SUPT3H: variants seen among roughly 807,000 people sequenced by gnomAD.
SUPT3H encodes transcription initiation protein SPT3 homolog.
A neutral mutation model predicts 44.3 loss-of-function variants in SUPT3H; 44 were observed. That is an observed-to-expected ratio of 0.99 (90% CI 0.78 to 1.28). The LOEUF is 1.28. SUPT3H is among the 50% of genes most tolerant of loss of function. SUPT3H has a pLI of 0.00. For missense variants in SUPT3H, 380 were observed against 387.1 expected (o/e 0.98, Z 0.15); for synonymous variants, 124 against 125.6 (o/e 0.99, Z 0.09).
intron 2 of SUPT3H, among the ~76,000 whole-genome samples, chr6:45,229,924 A>G (rs1452866719): frequency 6.6e-6 from 1 of 152,072 alleles, no homozygotes; most frequent in Non-Finnish European, 1.5e-5. Context: ...GAATTTATCT[A>G]TTCTACCTAA....
intron 4 of SUPT3H, among the ~76,000 whole-genome samples, chr6:45,018,026 C>T (rs1357375546): frequency 3.9e-5 from 6 of 151,936 alleles, no homozygotes; most frequent in Non-Finnish European, 8.8e-5. Flanking sequence ...TTTCCTTGAG[C>T]AATGGTTTGT....
intron 3 of SUPT3H, among the ~76,000 whole-genome samples, chr6:45,072,277 C>T (rs1794486318): frequency 6.6e-6 from 1 of 152,052 alleles, no homozygotes; most frequent in African/African-American, 2.4e-5. Flanking sequence ...TGTAAGATCA[C>T]CATTATTTTG....
intron 6 of SUPT3H, among the ~76,000 whole-genome samples, chr6:44,974,790 T>G (rs1417687654): frequency 6.6e-6 from 1 of 152,180 alleles, no homozygotes; most frequent in South Asian, 2.1e-4. Flanking sequence ...TTAACTTCCC[T>G]GAGTCAATAC....
intron 6 of SUPT3H, among the ~76,000 whole-genome samples, chr6:44,970,276 A>G (rs1041679292): frequency 5.3e-5 from 8 of 152,242 alleles, no homozygotes; most frequent in African/African-American, 1.2e-4. Context: ...AGTAATGGGG[A>G]AAAAAACCAT....
chr6:45,140,204 C>T (rs1042317558), intron 2 of SUPT3H, among the ~76,000 whole-genome samples: 9 of 152,088 alleles, frequency 5.9e-5, no homozygotes, highest in African/African-American at 7.2e-5. Context: ...TCCTCCACAG[C>T]GGCCATGGCA....
intron 2 of SUPT3H, among the ~76,000 whole-genome samples, chr6:45,194,151 A>C (rs570080648): frequency 6.6e-6 from 1 of 152,282 alleles, no homozygotes; most frequent in African/African-American, 2.4e-5. Flanking sequence ...ATTCTGTCAA[A>C]CTTTACATTT....
chr6:44,942,458 CATATAATCTTAG>C (rs1210380751), intron 9 of SUPT3H, among the ~76,000 whole-genome samples: 1 of 152,142 alleles, frequency 6.6e-6, no homozygotes, highest in Non-Finnish European at 1.5e-5. Flanking sequence ...GAGTGGCTAA[CATATAATCTTAG>C]ATCCTTGATA....
At chr6:45,040,824 T>A (rs1340924544) in intron 3 of SUPT3H, among the ~76,000 whole-genome samples, 1 of 152,202 alleles carries the variant, frequency 6.6e-6, no homozygotes, top group African/African-American at 2.4e-5. Context: ...TTTTAACTTG[T>A]TAGTTTTAAA....
At chr6:45,135,394 G>T (rs1804114473) in intron 2 of SUPT3H, among the ~76,000 whole-genome samples, 1 of 152,022 alleles carries the variant, frequency 6.6e-6, no homozygotes, top group Non-Finnish European at 1.5e-5. Context: ...AAATTTTCCA[G>T]ATTTTTAGGT....
chr6:45,020,100 C>T (rs1784900402), intron 4 of SUPT3H, among the ~76,000 whole-genome samples: 1 of 151,804 alleles, frequency 6.6e-6, no homozygotes, highest in Non-Finnish European at 1.5e-5. Context: ...TATTAATTTA[C>T]TTTTTTCAAT....
At chr6:45,265,468 T>C (rs1562824094) in intron 2 of SUPT3H, among the ~76,000 whole-genome samples, 1 of 152,112 alleles carries the variant, frequency 6.6e-6, no homozygotes. Context: ...CTTAAATAAC[T>C]TTCAAAAGTT....
At chr6:45,158,298 A>ATATATATATATATATATATAATTTTTT in intron 2 of SUPT3H, among the ~76,000 whole-genome samples, 6 of 99,688 alleles carry the variant, frequency 6.0e-5, no homozygotes, top group South Asian at 3.0e-4. Flanking sequence ...ATATATATAT[A>ATATATATATATATATATATAATTTTTT]TTTTTTTTTT....
chr6:45,190,638 T>C (rs1814975023), intron 2 of SUPT3H, among the ~76,000 whole-genome samples: 1 of 152,118 alleles, frequency 6.6e-6, no homozygotes, highest in African/African-American at 2.4e-5. Context: ...AAAATAAATG[T>C]TTTAAAAGAA....
intron 10 of SUPT3H, among the ~76,000 whole-genome samples, chr6:44,830,423 A>G (rs1407659795): frequency 1.3e-5 from 2 of 152,214 alleles, no homozygotes; most frequent in Non-Finnish European, 2.9e-5. Context: ...TTTTATATAC[A>G]TACCTGTACG....
intron 10 of SUPT3H, among the ~76,000 whole-genome samples, chr6:44,926,156 T>C (rs921627718): frequency 3.3e-5 from 5 of 152,158 alleles, no homozygotes; most frequent in South Asian, 4.1e-4. Flanking sequence ...ATTTAATTGA[T>C]TGGCATATTT....
At chr6:45,184,441 A>T (rs983742795) in intron 2 of SUPT3H, among the ~76,000 whole-genome samples, 1 of 152,094 alleles carries the variant, frequency 6.6e-6, no homozygotes, top group Non-Finnish European at 1.5e-5. Flanking sequence ...TTCTCACCAA[A>T]TATTACTCCA....
At chr6:45,366,029 GA>G (rs1388116382) in intron 1 of SUPT3H, among the ~76,000 whole-genome samples, 1 of 151,960 alleles carries the variant, frequency 6.6e-6, no homozygotes, top group African/African-American at 2.4e-5. Flanking sequence ...AAATTGGCAA[GA>G]TTTAGTCAAA....
intron 2 of SUPT3H, among the ~76,000 whole-genome samples, chr6:45,201,427 G>A (rs1362595730): frequency 7.3e-5 from 11 of 151,624 alleles, no homozygotes; most frequent in Admixed American, 7.2e-4. Context: ...CCAATGGAAT[G>A]CGATTATCTA....
At chr6:44,933,107 A>C (rs1005511204) in intron 9 of SUPT3H, among the ~76,000 whole-genome samples, 2 of 152,198 alleles carry the variant, frequency 1.3e-5, no homozygotes, top group African/African-American at 4.8e-5. Flanking sequence ...TTTAAAAAAA[A>C]CATTTTAACA....
Sources: allele counts gnomAD v4.1 joint callset (sites outside exome capture counted in the v4.1 genomes callset), GRCh38; gene constraint gnomAD v4.1.1; transcripts MANE v1.5; gene names NCBI Gene and HGNC (gene_info 2026-07-23, HGNC 2026-07-21).